The following CACNA1S variants were observed in gnomAD, a reference collection of about 807,000 sequenced individuals.
CACNA1S encodes voltage-dependent L-type calcium channel subunit alpha-1S.
A neutral mutation model predicts 207.4 loss-of-function variants in CACNA1S; 126 were observed. That is an observed-to-expected ratio of 0.61 (90% CI 0.53 to 0.70). The LOEUF (loss-of-function observed/expected upper bound fraction) is 0.70, where lower values mean the gene tolerates loss of function less well. Among genes scored for constraint, CACNA1S ranks in the 30% least tolerant of loss-of-function variants. The probability of loss-of-function intolerance (pLI) is 0.00; values close to 1 mark genes in which losing one functional copy is unlikely to be tolerated. For synonymous variants in CACNA1S, 960 were observed against 932.7 expected (o/e 1.03, Z -0.53); for missense variants, 2,349 against 2,422.8 (o/e 0.97, Z 0.64).
At position 201,112,409 on chromosome 1, in the gene CACNA1S, GC is replaced by G; in HGVS notation, c.-71del. The G allele has an allele frequency of 1.2e-6, 2 of 1,609,642 alleles. No individual in the cohort carries two copies. The stretch of plus-strand genomic sequence containing the variant: ...GCTTTCCCTTCCCTGTGTCCCCAAT[GC>G]CCCCGCCTTGGGGACTAGGCTGGCT... On this transcript the variant is annotated 5_prime_UTR_variant, in exon 1 of 44. Transcript: ENST00000362061.
At chr1:201,048,806 C>T (rs546798989) in intron 35 of CACNA1S, 122 bp from the exon 36 acceptor site, 1 of 892,594 alleles carries the variant, frequency 1.1e-6, no homozygotes, top group Non-Finnish European at 1.8e-6. Context: ...TGTCAGCTGA[C>T]CAGGACATCC....
Position 201,075,347 on chromosome 1 carries a change from T to C in CACNA1S, c.1948+148A>G, listed in dbSNP as rs1351772226. The C allele has an allele frequency of 3.6e-6, 3 of 838,924 alleles. No homozygotes were observed. The African/African-American group carries it at 5.0e-5, about 14-fold the overall frequency. 52.0% of individuals were successfully genotyped at this position (838,924 alleles called of 1,614,324 possible). ...TACAGCTGTACCTGCATTTGCTATGTCCTACCCCCTACCGCATGGGCCTGG... is the reference window on the plus strand; with the variant it reads ...TACAGCTGTACCTGCATTTGCTATGCCCTACCCCCTACCGCATGGGCCTGG... On this transcript the variant is annotated intron_variant, in intron 13 of 43. Transcript: ENST00000362061.
Position 201,061,994 on chromosome 1 carries a change from G to A in CACNA1S, c.3003C>T (p.Leu1001=). Residue 1001 remains leucine, a synonymous_variant, in exon 24 of 44, where the codon CTC becomes CTT. Coordinates refer to ENST00000362061, the MANE Select transcript of CACNA1S (RefSeq NM_000069.3). The part of the protein sequence containing the change: ...VHSDFHFDNV[L]SAMMSLFTVS... ...CCGTGAAGAGGGACATCATGGCTGA[G>A]AGCACATTGTCGAAGTGGAAGTCGC... 1.9e-6 allele frequency: 3 copies of A among 1,614,230 alleles called. No individual in the cohort carries two copies. The highest frequency in any genetic ancestry group is 2.5e-6 in the Non-Finnish European group (3 of 1,180,034).
At chr1:201,058,313 T>C (rs1660920362) in intron 28 of CACNA1S, 95 bp downstream of exon 28, 5 of 1,036,128 alleles carry the variant, frequency 4.8e-6, no homozygotes, top group East Asian at 4.7e-5. Flanking sequence ...TGGGGTTCCA[T>C]GTTGTACACA....
intron 5 of CACNA1S, among the ~76,000 whole-genome samples, chr1:201,090,110 T>G (rs1298330349): frequency 2.0e-5 from 3 of 152,214 alleles, no homozygotes; most frequent in Non-Finnish European, 4.4e-5. Context: ...TCATCAGAAC[T>G]GGAACACCCT....
chr1:201,040,570 G>A (rs764901275), intron 42 of CACNA1S, 52 bp downstream of exon 42: 4 of 1,533,826 alleles, frequency 2.6e-6, no homozygotes, highest in Admixed American at 1.7e-5. Context: ...CAAGTATCAG[G>A]CCAGGCAGGG....
intron 2 of CACNA1S, among the ~76,000 whole-genome samples, chr1:201,102,257 G>A (rs955455691): frequency 6.6e-6 from 1 of 152,192 alleles, no homozygotes; most frequent in Non-Finnish European, 1.5e-5. Context: ...TCGGATCCCA[G>A]TGTCACAGCA....
intron 2 of CACNA1S, among the ~76,000 whole-genome samples, chr1:201,104,494 G>A (rs529441475): frequency 6.6e-6 from 1 of 152,326 alleles, no homozygotes; most frequent in South Asian, 2.1e-4. Flanking sequence ...TTGCCCTGTA[G>A]GACATTAACC....
intron 15 of CACNA1S, 113 bp downstream of exon 15, chr1:201,073,436 T>C: frequency 2.3e-6 from 2 of 877,106 alleles, no homozygotes; most frequent in Non-Finnish European, 3.9e-6. Flanking sequence ...CTCACCTGGC[T>C]GATAACTCTC....
At chr1:201,080,733 T>G (rs75643487) in intron 10 of CACNA1S, among the ~76,000 whole-genome samples, 6 of 119,830 alleles carry the variant, frequency 5.0e-5, no homozygotes, top group South Asian at 2.4e-4. Context: ...TGGTTTGCAG[T>G]TTTTTTTTGT....
At position 201,077,940 on chromosome 1, in the gene CACNA1S, T is replaced by G. The variant is rs1182197306; in HGVS notation, c.1558A>C (p.Thr520Pro). 3 of 1,613,964 alleles carry G rather than the reference T, an allele frequency of 1.9e-6. No individual in the cohort carries two copies. Among genetic ancestry groups the G allele is most frequent in the Non-Finnish European group, 2.5e-6 (3 of 1,179,974 alleles). ...EILLVESGAM[T>P]PLGISVLRCI... ...CGGAGCACGGAGATGCCCAGGGGTGTCATGGCACCCGACTCCACCAGCAGG... is the reference window on the plus strand; with the variant it reads ...CGGAGCACGGAGATGCCCAGGGGTGGCATGGCACCCGACTCCACCAGCAGG... The change falls in exon 11 of 44, where the codon ACA becomes CCA. Residue 520 changes from threonine (T) to proline (P), a missense_variant. By Grantham distance (38) the Thr-to-Pro change is conservative. Transcript: ENST00000362061.
chr1:201,076,820 A>G (rs970395408), intron 12 of CACNA1S, 100 bp downstream of exon 12: 7 of 1,105,066 alleles, frequency 6.3e-6, no homozygotes, highest in African/African-American at 6.1e-5. Flanking sequence ...CAGATCAGAC[A>G]AGGCTTCCTG....
At chr1:201,041,196 G>T (rs1660176361) in intron 41 of CACNA1S, among the ~76,000 whole-genome samples, 2 of 152,194 alleles carry the variant, frequency 1.3e-5, no homozygotes. Flanking sequence ...GGCGGTGTGG[G>T]GACTCCTGTG....
intron 10 of CACNA1S, among the ~76,000 whole-genome samples, chr1:201,081,660 C>A (rs983304982): frequency 6.6e-6 from 1 of 152,226 alleles, no homozygotes; most frequent in Non-Finnish European, 1.5e-5. Context: ...ACAGCCCTGC[C>A]CAAATCTCAT....
intron 38 of CACNA1S, among the ~76,000 whole-genome samples, chr1:201,046,025 A>T (rs547164876): frequency 2.4e-4 from 37 of 152,310 alleles, no homozygotes; most frequent in Non-Finnish European, 4.0e-4. Flanking sequence ...TTTTGAGCAC[A>T]GCTCAAATGC....
chr1:201,087,719 C>T (rs74136309), intron 7 of CACNA1S, 107 bp downstream of exon 7: 120 of 763,534 alleles, frequency 1.6e-4, no homozygotes, highest in African/African-American at 1.5e-3. Context: ...CCTCTCCACT[C>T]GCCCCCCACC....
chr1:201,055,074 T>A (rs904426263), intron 28 of CACNA1S, among the ~76,000 whole-genome samples: 1 of 152,208 alleles, frequency 6.6e-6, no homozygotes, highest in African/African-American at 2.4e-5. Flanking sequence ...TGTCCAGGAC[T>A]GGACCTGGGA....
chr1:201,050,570 T>C, intron 33 of CACNA1S, 54 bp from the exon 34 acceptor site: 11 of 1,610,908 alleles, frequency 6.8e-6, no homozygotes, highest in Non-Finnish European at 8.5e-6. Flanking sequence ...GGTACAGGGT[T>C]AGGGTGGGGG....
chr1:201,068,231 C>CTTTTTT (rs60151209), intron 19 of CACNA1S, among the ~76,000 whole-genome samples: 37 of 47,006 alleles, frequency 7.9e-4, no homozygotes, highest in African/African-American at 3.3e-3. Context: ...CGGCTCTGCT[C>CTTTTTT]TTTTTTTTTT....
Sources: allele counts gnomAD v4.1 joint callset (sites outside exome capture counted in the v4.1 genomes callset), GRCh38; gene constraint gnomAD v4.1.1; transcripts MANE v1.5; gene names NCBI Gene and HGNC (gene_info 2026-07-23, HGNC 2026-07-21).